The following TMEM163 variants were observed in gnomAD, a reference collection of about 807,000 sequenced individuals.
TMEM163 encodes transmembrane protein 163.
A neutral mutation model predicts 29.3 loss-of-function variants in TMEM163; 17 were observed. That is an observed-to-expected ratio of 0.58 (90% CI 0.40 to 0.87). TMEM163 has a LOEUF of 0.87. Among genes scored for constraint, TMEM163 ranks in the 40% least tolerant of loss-of-function variants. The pLI, the probability that TMEM163 is intolerant of heterozygous loss-of-function variation, is 0.00. For missense variants in TMEM163, 303 were observed against 381.5 expected (o/e 0.79, Z 1.71); for synonymous variants, 157 against 160.6 (o/e 0.98, Z 0.17).
intron 2 of TMEM163, among the ~76,000 whole-genome samples, chr2:134,681,525 C>G (rs1325709533): frequency 6.6e-6 from 1 of 152,124 alleles, no homozygotes; most frequent in Non-Finnish European, 1.5e-5. Flanking sequence ...CACTCTTTCT[C>G]TTTCTCTCTC....
chr2:134,584,636 T>TAA (rs34838986), intron 2 of TMEM163, among the ~76,000 whole-genome samples: 137 of 126,958 alleles, frequency 1.1e-3, no homozygotes, highest in Middle Eastern at 3.9e-3. Context: ...AAATTTCTAG[T>TAA]AAAAAAAAAA....
intron 5 of TMEM163, among the ~76,000 whole-genome samples, chr2:134,499,223 G>A (rs1679648705): frequency 1.3e-5 from 2 of 152,200 alleles, no homozygotes; most frequent in African/African-American, 4.8e-5. Flanking sequence ...GAGGCAGAGG[G>A]TCAGTAGTGT....
chr2:134,642,528 A>G (rs1220517550), intron 2 of TMEM163, among the ~76,000 whole-genome samples: 2 of 152,196 alleles, frequency 1.3e-5, no homozygotes, highest in Non-Finnish European at 2.9e-5. Context: ...ATGGAACAAC[A>G]CCAGTATCCA....
chr2:134,671,047 C>G (rs186863957), intron 2 of TMEM163, among the ~76,000 whole-genome samples: 1 of 152,344 alleles, frequency 6.6e-6, no homozygotes, highest in Admixed American at 6.5e-5. Context: ...AGGACCCCCT[C>G]TGGGAACGAT....
chr2:134,662,418 T>G (rs1683775798), intron 2 of TMEM163, among the ~76,000 whole-genome samples: 1 of 152,110 alleles, frequency 6.6e-6, no homozygotes, highest in South Asian at 2.1e-4. Flanking sequence ...ATGGGTACCT[T>G]CAGATATGGG....
intron 2 of TMEM163, among the ~76,000 whole-genome samples, chr2:134,704,017 A>G (rs1414885623): frequency 6.6e-6 from 1 of 152,048 alleles, no homozygotes; most frequent in African/African-American, 2.4e-5. Flanking sequence ...TAATCACGCT[A>G]TCTGTATGAC....
At chr2:134,534,352 A>ACCACCACC (rs1446094395) in intron 4 of TMEM163, among the ~76,000 whole-genome samples, 1 of 152,136 alleles carries the variant, frequency 6.6e-6, no homozygotes, top group East Asian at 1.9e-4. Context: ...CACAAACCAA[A>ACCACCACC]CCACCACCCC....
chr2:134,479,425 C>G (rs1245290054), intron 5 of TMEM163, among the ~76,000 whole-genome samples: 2 of 152,100 alleles, frequency 1.3e-5, no homozygotes, highest in African/African-American at 4.8e-5. Context: ...CCCTATTGAA[C>G]AAAATGTTTA....
intron 2 of TMEM163, among the ~76,000 whole-genome samples, chr2:134,642,210 C>G (rs1358753413): frequency 6.6e-6 from 1 of 151,742 alleles, no homozygotes; most frequent in Non-Finnish European, 1.5e-5. Flanking sequence ...CTGTAACCAA[C>G]CTCCACCTCC....
chr2:134,656,003 T>A (rs1434168034), intron 2 of TMEM163, among the ~76,000 whole-genome samples: 1 of 145,682 alleles, frequency 6.9e-6, no homozygotes, highest in Non-Finnish European at 1.5e-5. Context: ...GTCTTTTCCT[T>A]TGTCTGTGCC....
At chr2:134,659,057 C>T (rs1046708360) in intron 2 of TMEM163, among the ~76,000 whole-genome samples, 4 of 152,204 alleles carry the variant, frequency 2.6e-5, no homozygotes, top group African/African-American at 4.8e-5. Context: ...GATGGGATAG[C>T]GTACTGCATA....
intron 2 of TMEM163, among the ~76,000 whole-genome samples, chr2:134,688,495 C>T (rs536293824): frequency 6.6e-6 from 1 of 152,262 alleles, no homozygotes; most frequent in African/African-American, 2.4e-5. Context: ...TCTCTCAGTC[C>T]TTCTACCGGG....
chr2:134,536,125 T>C (rs1166748423), intron 4 of TMEM163, among the ~76,000 whole-genome samples: 1 of 152,246 alleles, frequency 6.6e-6, no homozygotes, highest in African/African-American at 2.4e-5. Context: ...TTTTAATCCT[T>C]TTCTTAAGGC....
chr2:134,554,061 T>C (rs1300741197), intron 2 of TMEM163, among the ~76,000 whole-genome samples: 1 of 152,178 alleles, frequency 6.6e-6, no homozygotes, highest in Non-Finnish European at 1.5e-5. Context: ...TTTGTGGGTT[T>C]CTTCTTTATC....
intron 5 of TMEM163, among the ~76,000 whole-genome samples, chr2:134,499,004 C>G (rs72853945): frequency 1.3e-5 from 2 of 152,262 alleles, no homozygotes; most frequent in African/African-American, 4.8e-5. Context: ...CCTGGGTCCT[C>G]GAGCAAAGGA....
At chr2:134,484,915 A>G (rs1392962912) in intron 5 of TMEM163, among the ~76,000 whole-genome samples, 4 of 152,202 alleles carry the variant, frequency 2.6e-5, no homozygotes, top group Admixed American at 2.0e-4. Flanking sequence ...TGCTGTAGGG[A>G]GAGAGTTACT....
chr2:134,668,819 T>C (rs1268288432), intron 2 of TMEM163, among the ~76,000 whole-genome samples: 1 of 151,660 alleles, frequency 6.6e-6, no homozygotes, highest in Non-Finnish European at 1.5e-5. Context: ...TACATGTATA[T>C]ATATATTTGC....
intron 2 of TMEM163, among the ~76,000 whole-genome samples, chr2:134,649,471 G>A (rs988447855): frequency 1.3e-5 from 2 of 152,146 alleles, no homozygotes; most frequent in Admixed American, 6.5e-5. Context: ...CTCTATAGTA[G>A]AGAAAAAGAG....
chr2:134,640,052 T>G (rs1421267970), intron 2 of TMEM163, among the ~76,000 whole-genome samples: 2 of 152,224 alleles, frequency 1.3e-5, no homozygotes, highest in African/African-American at 4.8e-5. Flanking sequence ...CATTTCTATT[T>G]CCTGGTAACA....
Sources: gnomAD v4.1 joint callset for allele counts (sites outside exome capture counted in the v4.1 genomes callset) on GRCh38, gnomAD v4.1.1 for gene constraint, MANE v1.5 for transcripts, NCBI Gene and HGNC (gene_info 2026-07-23, HGNC 2026-07-21) for gene names.